Variants in ZDHHC17 observed in about 807,000 individuals in gnomAD.
ZDHHC17 encodes palmitoyltransferase ZDHHC17.
Under a neutral mutation model 90.3 loss-of-function variants are expected in ZDHHC17, and 40 were observed. The ratio of observed to expected loss-of-function variants is 0.44; its 90% CI spans 0.34 to 0.58. The LOEUF is 0.58. Ranked by LOEUF, ZDHHC17 falls within the 20% of genes least tolerant of loss-of-function variation. The pLI is 0.01. For synonymous variants in ZDHHC17, 235 were observed against 252.4 expected (o/e 0.93, Z 0.65); for missense variants, 614 against 780.8 (o/e 0.79, Z 2.55).
intron 5 of ZDHHC17, among the ~76,000 whole-genome samples, chr12:76,810,236 A>T (rs1309508797): frequency 6.6e-6 from 1 of 152,174 alleles, no homozygotes; most frequent in East Asian, 1.9e-4. Context: ...TGAGAGGGAT[A>T]CATTTTTTAA....
At chr12:76,843,307 T>G (rs1953457077) in intron 12 of ZDHHC17, among the ~76,000 whole-genome samples, 1 of 152,168 alleles carries the variant, frequency 6.6e-6, no homozygotes, top group South Asian at 2.1e-4. Flanking sequence ...CCTAATAGAT[T>G]GTTTTCTTTA....
At chr12:76,793,186 A>G (rs943062679) in intron 1 of ZDHHC17, among the ~76,000 whole-genome samples, 1 of 152,246 alleles carries the variant, frequency 6.6e-6, no homozygotes, top group Non-Finnish European at 1.5e-5. Flanking sequence ...AAAGTTTTTA[A>G]TACCCAGTAT....
intron 1 of ZDHHC17, among the ~76,000 whole-genome samples, chr12:76,767,352 G>T (rs1952442917): frequency 6.6e-6 from 1 of 152,168 alleles, no homozygotes; most frequent in South Asian, 2.1e-4. Flanking sequence ...AATTATTTGT[G>T]GGTAAAGAAA....
intron 10 of ZDHHC17, among the ~76,000 whole-genome samples, chr12:76,837,261 A>C (rs888069711): frequency 6.6e-6 from 1 of 152,040 alleles, no homozygotes; most frequent in Non-Finnish European, 1.5e-5. Context: ...TCAGACTCTC[A>C]AGTAGCTAGG....
At chr12:76,833,742 G>A (rs570876721) in intron 10 of ZDHHC17, among the ~76,000 whole-genome samples, 3 of 152,114 alleles carry the variant, frequency 2.0e-5, no homozygotes, top group East Asian at 3.9e-4. Context: ...GCAGTGAGCC[G>A]AGATTGCGCC....
At chr12:76,778,427 T>A (rs2137720411) in intron 1 of ZDHHC17, among the ~76,000 whole-genome samples, 1 of 152,262 alleles carries the variant, frequency 6.6e-6, no homozygotes, top group East Asian at 1.9e-4. Flanking sequence ...CACTATATGT[T>A]GGCCAGGCTG....
rs1953584097 is a variant in ZDHHC17, at chr12:76,853,080, G to C, written c.*2095G>C. The C allele has an allele frequency of 6.6e-6, 1 of 152,088 alleles. No homozygotes were observed. The highest frequency in any genetic ancestry group is 1.5e-5 in the Non-Finnish European group (1 of 67,984). 9.4% of individuals were successfully genotyped at this position (152,088 alleles called of 1,614,324 possible). On this transcript the variant is annotated 3_prime_UTR_variant, in exon 17 of 17. Transcript: ENST00000426126. Reference sequence around the variant, plus strand: ...TAAGAATGTTGTTACCATCTTCTTTGTTTGTGGTACAATATTTTCAGTGCA... The same window carrying C: ...TAAGAATGTTGTTACCATCTTCTTTCTTTGTGGTACAATATTTTCAGTGCA...
intron 1 of ZDHHC17, among the ~76,000 whole-genome samples, chr12:76,795,145 A>T (rs1273243606): frequency 6.6e-6 from 1 of 152,088 alleles, no homozygotes. Context: ...GCTATAGTGG[A>T]GCCTGAAGCA....
chr12:76,828,437 A>C lies in ZDHHC17; in HGVS notation c.1088A>C (p.Tyr363Ser), dbSNP rs1404313869. 6.2e-7 allele frequency: 1 copy of C among 1,613,206 alleles called. No homozygotes were observed. Among genetic ancestry groups the C allele is most frequent in the African/African-American group, 1.3e-5 (1 of 74,892 alleles). The change falls in exon 10 of 17, where the codon TAT becomes TCT. Residue 363 changes from tyrosine to serine, a missense_variant. Tyr to Ser is a moderately radical substitution (Grantham distance 144). Coordinates refer to ENST00000426126, the MANE Select transcript of ZDHHC17 (RefSeq NM_015336.4). ...CATAGTGCATTGCCCCTTGGGATAT[A>C]TTTGGCAACCAAATTCTGGATGTAT... Reference protein sequence around the residue: ...SMHSALPLGIYLATKFWMYVT... With the variant: ...SMHSALPLGISLATKFWMYVT...
At position 76,805,396 on chromosome 12, in the gene ZDHHC17, C is replaced by G. The variant is rs1952943697; in HGVS notation, c.277C>G (p.Leu93Val). ...VRQPDKENVT[L>V]LHWAAINNRI... is the part of the protein sequence containing the mutation. ...GCAACCGGACAAAGAAAATGTTACC[C>G]TCCTCCATTGGGCTGCCATCAATAA... The change falls in exon 3 of 17, where the codon CTC (leucine) becomes GTC (valine). Residue 93 changes from leucine to valine, a missense_variant. This residue lies in a region of ZDHHC17 where 358 missense variants were observed against 380.4 expected (regional missense o/e 0.94). Coordinates refer to ENST00000426126, the MANE Select transcript of ZDHHC17 (RefSeq NM_015336.4). 3 of 1,599,812 alleles carry G rather than the reference C, an allele frequency of 1.9e-6. No homozygotes were observed. The highest frequency in any genetic ancestry group is 2.6e-6 in the Non-Finnish European group (3 of 1,171,718).
intron 10 of ZDHHC17, among the ~76,000 whole-genome samples, chr12:76,837,772 T>C (rs1243832885): frequency 2.0e-5 from 3 of 152,202 alleles, no homozygotes; most frequent in Non-Finnish European, 4.4e-5. Context: ...TGTTGAATTA[T>C]CTTTGTCATC....
chr12:76,801,375 C>T (rs375793928), intron 2 of ZDHHC17, among the ~76,000 whole-genome samples: 10 of 151,572 alleles, frequency 6.6e-5, no homozygotes, highest in East Asian at 3.9e-4. Flanking sequence ...AAAGTTGGGC[C>T]GGGCACGGTG....
rs575940565 is a variant in ZDHHC17, at chr12:76,764,115, G to A, written c.-122G>A. On this transcript the variant is annotated 5_prime_UTR_variant, in exon 1 of 17. Transcript: ENST00000426126. ...CGAGGGGGGAGGGGACAGAGGGGGC[G>A]TCACGGGGGCAGGAGAAGAAGGAGG... 1.6e-5 allele frequency: 12 copies of A among 749,656 alleles called. No homozygotes were observed. The highest frequency in any genetic ancestry group is 7.9e-4 in the Middle Eastern group (2 of 2,526). 46.4% of individuals were successfully genotyped at this position (749,656 alleles called of 1,614,324 possible). A position where few individuals can be genotyped will look rare whatever the true frequency, so the allele number is the denominator to read the frequency against.
At chr12:76,828,554 A>C in intron 10 of ZDHHC17, 64 bp downstream of exon 10, 1 of 1,450,676 alleles carries the variant, frequency 6.9e-7, no homozygotes, top group Non-Finnish European at 9.6e-7. Flanking sequence ...ATAGATGTTT[A>C]ATAATTTGAC....
intron 1 of ZDHHC17, among the ~76,000 whole-genome samples, chr12:76,776,347 C>T (rs1162011385): frequency 6.6e-6 from 1 of 152,106 alleles, no homozygotes. Context: ...ATATATAGTT[C>T]ATGGTGAAGT....
At chr12:76,849,931 C>CT (rs776733135) in intron 16 of ZDHHC17, among the ~76,000 whole-genome samples, 26 of 151,642 alleles carry the variant, frequency 1.7e-4, no homozygotes, top group East Asian at 1.4e-3. Flanking sequence ...CTTTTCTTTT[C>CT]TTTTTTTTAG....
chr12:76,765,922 G>A (rs576847916), intron 1 of ZDHHC17, among the ~76,000 whole-genome samples: 2 of 152,230 alleles, frequency 1.3e-5, no homozygotes, highest in Admixed American at 1.3e-4. Context: ...GGCTGGTCTT[G>A]AACTCTTGAA....
chr12:76,769,477 A>T (rs920814133), intron 1 of ZDHHC17, among the ~76,000 whole-genome samples: 6 of 152,128 alleles, frequency 3.9e-5, no homozygotes, highest in African/African-American at 1.4e-4. Flanking sequence ...AAGGTAATTC[A>T]TTTGCTTTCA....
In ZDHHC17 at chr12:76,850,537, G is replaced by T. The variant is rs992866334; in HGVS notation, c.1761-310G>T. 8.2e-4 allele frequency among the ~76,000 whole-genome samples: 125 copies of T among 152,114 alleles called. 1 individual carries two copies. The highest frequency in any genetic ancestry group is 2.8e-3 in the African/African-American group (117 of 41,472). Reference sequence around the variant, plus strand: ...GTTCGAGGCCAGGCCGGGCAACATAGTTAAGACCTCATCTCTAAAAATAAA... The same window carrying T: ...GTTCGAGGCCAGGCCGGGCAACATATTTAAGACCTCATCTCTAAAAATAAA... On this transcript the variant is annotated intron_variant, in intron 16 of 16. Transcript: ENST00000426126.
Sources: allele counts gnomAD v4.1 joint callset (sites outside exome capture counted in the v4.1 genomes callset), GRCh38; gene constraint gnomAD v4.1.1; regional missense constraint gnomAD v4.1.1; transcripts MANE v1.5; gene names NCBI Gene and HGNC (gene_info 2026-07-23, HGNC 2026-07-21).